Variants in STIM1 observed in about 807,000 individuals in gnomAD.
STIM1 encodes the protein stromal interaction molecule 1.
In STIM1, 25 loss-of-function variants were observed where a neutral mutation model predicts 74.7. That is an observed-to-expected ratio of 0.33 (90% confidence interval 0.24 to 0.47). The LOEUF (loss-of-function observed/expected upper bound fraction) is 0.47. Ranked by LOEUF, STIM1 falls within the 20% of genes least tolerant of loss-of-function variation. The probability of loss-of-function intolerance (pLI) is 1.00; values close to 1 mark genes in which losing one functional copy is unlikely to be tolerated. For missense variants in STIM1, 728 were observed against 920.8 expected (o/e 0.79, Z 2.71); for synonymous variants, 328 against 348.8 (o/e 0.94, Z 0.66).
chr11:3,957,240 A>C (rs1344167859), intron 1 of STIM1, among the ~76,000 whole-genome samples: 2 of 152,086 alleles, frequency 1.3e-5, no homozygotes, highest in Non-Finnish European at 2.9e-5. Flanking sequence ...CTGTATATAT[A>C]GTTGATGCTG....
chr11:3,998,847 A>G (rs1277374778), intron 2 of STIM1, among the ~76,000 whole-genome samples: 2 of 152,208 alleles, frequency 1.3e-5, no homozygotes, highest in Non-Finnish European at 2.9e-5. Context: ...GGGGGTATAA[A>G]AGATCATGGT....
intron 2 of STIM1, among the ~76,000 whole-genome samples, chr11:3,988,614 A>T (rs1358654071): frequency 6.6e-6 from 1 of 152,210 alleles, no homozygotes; most frequent in Non-Finnish European, 1.5e-5. Flanking sequence ...CTACATATTC[A>T]AATTTTTAAT....
chr11:3,999,292 A>C (rs1315804987), intron 2 of STIM1, among the ~76,000 whole-genome samples: 1 of 152,230 alleles, frequency 6.6e-6, no homozygotes, highest in Non-Finnish European at 1.5e-5. Context: ...TCTTCACGCC[A>C]CTGCATTTCA....
At position 3,861,232 on chromosome 11, in the gene STIM1, T is replaced by C. The variant is rs531243268; in HGVS notation, c.139+4823T>C. ...CAGTCATGTGTGATCTAGTAGTGGTTCTATTTTTTTTTTTTTTTTGAGATG... is the reference window on the plus strand; with the variant it reads ...CAGTCATGTGTGATCTAGTAGTGGTCCTATTTTTTTTTTTTTTTTGAGATG... On this transcript the variant is annotated intron_variant, in intron 1 of 12. Coordinates refer to ENST00000526596, the MANE Select transcript of STIM1 (RefSeq NM_001382567.1). Among the ~76,000 whole-genome samples, 496 of 150,598 alleles carry C rather than the reference T, an allele frequency of 3.3e-3. 8 individuals are homozygous for C. The highest frequency in any genetic ancestry group is 7.1e-3 in the Middle Eastern group (2 of 282).
chr11:4,055,343 AT>A (rs1250056449), intron 3 of STIM1, among the ~76,000 whole-genome samples, 182 bp from the exon 4 acceptor site: 2 of 152,132 alleles, frequency 1.3e-5, no homozygotes, highest in Non-Finnish European at 2.9e-5. Flanking sequence ...ATCACTATAG[AT>A]TTGTCTTTTC....
rs139900729 is a variant in STIM1 at position 3,981,192 on chromosome 11, C to T, written c.270+13510C>T. On this transcript the variant is annotated intron_variant, in intron 2 of 12. Coordinates refer to ENST00000526596, the MANE Select transcript of STIM1 (RefSeq NM_001382567.1). The stretch of plus-strand genomic sequence containing the variant: ...ATCCATCTGCCTCGGGCTCCCAAAG[C>T]GCTGGGATTATAGGCGTGAGCCACC... Among the ~76,000 whole-genome samples, 326 of 152,198 alleles carry T rather than the reference C, an allele frequency of 2.1e-3. 1 individual carries two copies. The highest frequency in any genetic ancestry group is 7.3e-3 in the African/African-American group (305 of 41,544).
At chr11:4,034,229 G>A (rs374778191) in intron 3 of STIM1, among the ~76,000 whole-genome samples, 6 of 150,474 alleles carry the variant, frequency 4.0e-5, no homozygotes, top group South Asian at 2.2e-4. Flanking sequence ...ACACTGTCTC[G>A]GAAAAATAAA....
intron 3 of STIM1, among the ~76,000 whole-genome samples, chr11:4,027,765 A>AGT (rs2094010009): frequency 6.6e-6 from 1 of 151,976 alleles, no homozygotes; most frequent in African/African-American, 2.4e-5. Flanking sequence ...TGATGGTGGG[A>AGT]GTGTGTGTGT....
In STIM1 at chr11:4,048,230, G is replaced by A. The variant is rs538077031; in HGVS notation, c.386-7296G>A. Among the ~76,000 whole-genome samples the A allele has an allele frequency of 6.5e-4, 99 of 152,318 alleles. 1 individual carries two copies. The highest frequency in any genetic ancestry group is 2.3e-3 in the African/African-American group (97 of 41,588). ...TTTTGGCTTCTTGCTGCTTACAGCA[G>A]TGGTTTTCAAACTTGAAGAATGTAC... On this transcript the variant is annotated intron_variant, in intron 3 of 12. Transcript: ENST00000526596.
At chr11:3,914,146 G>C (rs2092607414) in intron 1 of STIM1, among the ~76,000 whole-genome samples, 2 of 151,960 alleles carry the variant, frequency 1.3e-5, no homozygotes, top group Admixed American at 1.3e-4. Context: ...CCTCCTGCTA[G>C]CCTTTGTTAA....
chr11:3,921,873 G>C (rs1340101918), intron 1 of STIM1: 1 of 152,190 alleles, frequency 6.6e-6, no homozygotes, highest in African/African-American at 2.4e-5. Context: ...TGGAGAACTA[G>C]TGTTTCCTGA....
chr11:3,987,818 C>T (rs1307539212), intron 2 of STIM1, among the ~76,000 whole-genome samples: 1 of 150,608 alleles, frequency 6.6e-6, no homozygotes, highest in Non-Finnish European at 1.5e-5. Flanking sequence ...CACACACACA[C>T]ACACACACAC....
At chr11:4,090,965 T>G (rs943698605) in intron 12 of STIM1, among the ~76,000 whole-genome samples, 1 of 152,108 alleles carries the variant, frequency 6.6e-6, no homozygotes, top group Non-Finnish European at 1.5e-5. Flanking sequence ...TTGGCCCTTC[T>G]TTCTACCTGC....
intron 2 of STIM1, among the ~76,000 whole-genome samples, chr11:4,020,830 T>G (rs1262723863): frequency 1.3e-5 from 2 of 151,870 alleles, no homozygotes; most frequent in Non-Finnish European, 2.9e-5. Context: ...CTCAAAATCC[T>G]GATCTCAAGT....
chr11:3,885,624 T>A (rs190475011), intron 1 of STIM1, among the ~76,000 whole-genome samples: 12 of 152,280 alleles, frequency 7.9e-5, no homozygotes, highest in Admixed American at 2.6e-4. Context: ...TATTTTATTT[T>A]ATTTTATTTA....
At chr11:3,891,154 T>C (rs973310691) in intron 1 of STIM1, among the ~76,000 whole-genome samples, 2 of 152,234 alleles carry the variant, frequency 1.3e-5, no homozygotes, top group Non-Finnish European at 2.9e-5. Context: ...ATTGTTATTA[T>C]TCTCATTTTG....
intron 7 of STIM1, among the ~76,000 whole-genome samples, chr11:4,076,485 CAAAAAAAAAAAAAAA>C (rs58804386): frequency 1.5e-4 from 6 of 40,756 alleles, no homozygotes; most frequent in Non-Finnish European, 2.4e-4. Context: ...GACTCCATCT[CAAAAAAAAAAAAAAA>C]AAAAAAAAAA....
At chr11:3,912,281 C>T (rs1278073488) in intron 1 of STIM1, among the ~76,000 whole-genome samples, 1 of 147,108 alleles carries the variant, frequency 6.8e-6, no homozygotes, top group Non-Finnish European at 1.5e-5. Flanking sequence ...CTCTCTTCCC[C>T]TCTCTTCTCT....
chr11:4,013,428 A>G (rs2093859859), intron 2 of STIM1, among the ~76,000 whole-genome samples: 1 of 152,118 alleles, frequency 6.6e-6, no homozygotes, highest in Non-Finnish European at 1.5e-5. Flanking sequence ...TCAAAGATTC[A>G]ACTTCTTCCT....
Sources: gnomAD v4.1 joint callset for allele counts (sites outside exome capture counted in the v4.1 genomes callset) on GRCh38, gnomAD v4.1.1 for gene constraint, MANE v1.5 for transcripts, NCBI Gene and HGNC (gene_info 2026-07-23, HGNC 2026-07-21) for gene names.